RNPEP: variants seen among roughly 807,000 people sequenced by gnomAD.
RNPEP encodes the protein aminopeptidase B.
In RNPEP, 57 loss-of-function variants were observed where a neutral mutation model predicts 70.1. The ratio of observed to expected loss-of-function variants is 0.81; its 90% CI spans 0.66 to 1.01. RNPEP has a LOEUF of 1.01. Among genes scored for constraint, RNPEP ranks in the 50% least tolerant of loss-of-function variants. The pLI is 0.00. For synonymous variants in RNPEP, 335 were observed against 357.4 expected, an observed-to-expected ratio of 0.94 and a Z score of 0.71; for missense variants, 787 against 852.4, an observed-to-expected ratio of 0.92 and a Z score of 0.96.
intron 1 of RNPEP, among the ~76,000 whole-genome samples, chr1:201,988,366 G>A (rs1366682824): frequency 4.1e-5 from 6 of 148,014 alleles, no homozygotes; most frequent in Non-Finnish European, 7.4e-5. Context: ...GCTGAGGCAT[G>A]AGAATTGCTT....
intron 3 of RNPEP, among the ~76,000 whole-genome samples, chr1:201,992,562 G>A (rs745823313): frequency 2.0e-4 from 30 of 151,906 alleles, no homozygotes; most frequent in Non-Finnish European, 3.8e-4. Flanking sequence ...TCCTCCTTGA[G>A]CTCATGGCAG....
chr1:201,989,181 C>A lies in RNPEP; in HGVS notation c.588+137C>A, dbSNP rs10920296. 11,025 of 1,282,116 alleles carry A rather than the reference C, an allele frequency of 8.6e-3. 661 individuals carry two copies. The African/African-American group carries it at 0.14, about 16-fold the overall frequency. 79.4% of individuals were successfully genotyped at this position (1,282,116 alleles called of 1,614,324 possible). A position where few individuals can be genotyped will look rare whatever the true frequency, so the allele number is the denominator to read the frequency against. ...CTGAAAAATTGCTTACTTTTAAATT[C>A]TTCCACCTACTGAAGTTGTATGTAG... is the stretch of plus-strand genomic sequence containing the variant. On this transcript the variant is annotated intron_variant, in intron 2 of 10. Coordinates refer to ENST00000295640, the MANE Select transcript of RNPEP (RefSeq NM_020216.4).
At chr1:201,994,048 T>G (rs1683451084) in intron 3 of RNPEP, among the ~76,000 whole-genome samples, 1 of 152,154 alleles carries the variant, frequency 6.6e-6, no homozygotes, top group Non-Finnish European at 1.5e-5. Context: ...GCCTTCATGT[T>G]CTGCTGTTTT....
Position 202,001,434 on chromosome 1 carries a change from T to C in RNPEP, c.1263T>C (p.Val421=), listed in dbSNP as rs4332408. The change falls in exon 7 of 11, where the codon GTT becomes GTC. Residue 421 remains valine (V), a synonymous_variant. Coordinates refer to ENST00000295640, the MANE Select transcript of RNPEP (RefSeq NM_020216.4). ...CCTACGAGAAAGGTTTCTGCTTTGT[T>C]TCATACCTGGCCCACTTGGTGGGTG... The part of the protein sequence containing the change: ...ETPYEKGFCF[V]SYLAHLVGDQ... The C allele has an allele frequency of 1, 1,608,250 of 1,613,996 alleles. 801,425 individuals carry two copies. The highest frequency in any genetic ancestry group is 1 in the East Asian group (44,872 of 44,872).
chr1:202,004,259 C>T, intron 9 of RNPEP, 95 bp from the exon 10 acceptor site: 1 of 1,375,562 alleles, frequency 7.3e-7, no homozygotes, highest in South Asian at 1.3e-5. Context: ...CATTCCTGAC[C>T]TCAAGTGATC....
chr1:202,001,701 G>A lies in RNPEP; in HGVS notation c.1360G>A (p.Asp454Asn). The A allele has an allele frequency of 1.2e-6, 2 of 1,613,840 alleles. No individual in the cohort carries two copies. The highest frequency in any genetic ancestry group is 1.7e-6 in the Non-Finnish European group (2 of 1,179,756). The change falls in exon 8 of 11, where the codon GAC becomes AAC. Residue 454 changes from aspartate to asparagine, a missense_variant. Transcript: ENST00000295640. ...CAAATTCCGAAGCATCTTAGCCGATGACTTTCTGGACTTCTACTTGGAATA... is the reference window on the plus strand; with the variant it reads ...CAAATTCCGAAGCATCTTAGCCGATAACTTTCTGGACTTCTACTTGGAATA... ...EFKFRSILAD[D>N]FLDFYLEYFP...
chr1:202,001,516 A>G, intron 7 of RNPEP, 28 bp downstream of exon 7: 1 of 1,558,354 alleles, frequency 6.4e-7, no homozygotes, highest in South Asian at 1.1e-5. Flanking sequence ...GAGAAGGAAG[A>G]GGAGCGGATA....
chr1:201,996,297 T>C, intron 4 of RNPEP, 34 bp downstream of exon 4: 4 of 1,396,100 alleles, frequency 2.9e-6, no homozygotes, highest in Non-Finnish European at 4.1e-6. Context: ...TGTCTCCTGT[T>C]AAACTGAGTC....
chr1:201,986,324 G>A (rs899990878), intron 1 of RNPEP, among the ~76,000 whole-genome samples: 2 of 151,766 alleles, frequency 1.3e-5, no homozygotes, highest in Admixed American at 6.6e-5. Flanking sequence ...CAAACTCCTG[G>A]CCTCAAGCGA....
intron 10 of RNPEP, 60 bp from the exon 11 acceptor site, chr1:202,005,498 C>A: frequency 6.3e-7 from 1 of 1,579,904 alleles, no homozygotes; most frequent in South Asian, 1.1e-5. Context: ...CTGGGGGCAG[C>A]AGGGCTGGAC....
intron 9 of RNPEP, 31 bp downstream of exon 9, chr1:202,003,492 G>A: frequency 3.4e-6 from 5 of 1,485,506 alleles, no homozygotes; most frequent in Non-Finnish European, 4.7e-6. Context: ...AGGGCTCCTT[G>A]TGTGCACAGC....
chr1:201,982,988 G>A lies in RNPEP; in HGVS notation c.322G>A (p.Val108Met). 2 of 1,515,404 alleles carry A rather than the reference G, an allele frequency of 1.3e-6. No individual in the cohort carries two copies. The highest frequency in any genetic ancestry group is 2.8e-5 in the East Asian group (1 of 36,156). 93.9% of individuals were successfully genotyped at this position (1,515,404 alleles called of 1,614,324 possible). Residue 108 changes from valine to methionine, a missense_variant, in exon 1 of 11, where the codon GTG (valine) becomes ATG (methionine). Transcript: ENST00000295640. ...CTCGGAGGAGCCGCCTGCGGAGCCC[G>A]TGAGCTTCTACACGCAGCCCTTCTC... ...PGSEEPPAEP[V>M]SFYTQPFSHY...
chr1:202,000,760 G>A (rs1683761297), intron 6 of RNPEP, among the ~76,000 whole-genome samples: 2 of 152,120 alleles, frequency 1.3e-5, no homozygotes, highest in Admixed American at 6.5e-5. Flanking sequence ...TGGGTGTGGT[G>A]ATGCACACCT....
chr1:201,991,722 T>C (rs1683341879), intron 3 of RNPEP, among the ~76,000 whole-genome samples: 1 of 152,180 alleles, frequency 6.6e-6, no homozygotes, highest in Non-Finnish European at 1.5e-5. Context: ...GTAGTGAGAT[T>C]GCAGCTTGAC....
Position 202,001,780 on chromosome 1 carries a change from A to G in RNPEP, c.1426+13A>G, listed in dbSNP as rs1187320992. On this transcript the variant is annotated intron_variant, in intron 8 of 10. Transcript: ENST00000295640. The stretch of plus-strand genomic sequence containing the variant: ...GATATCATTCCAGGTAAGCAGAGGA[A>G]CTGGCCCACAGGCTTCTAAAAAATA... The G allele has an allele frequency of 5.6e-6, 8 of 1,440,104 alleles. No individual in the cohort carries two copies. In the South Asian group the frequency reaches 9.1e-5, roughly 16 times the overall value. The allele number at this position is 1,440,104 out of a possible 1,614,324, so 89.2% of individuals were successfully genotyped here.
chr1:202,006,012 G>T lies in RNPEP; in HGVS notation c.*296G>T. 2.7e-6 allele frequency: 1 copy of T among 370,962 alleles called. No homozygotes were observed. The highest frequency in any genetic ancestry group is 6.7e-5 in the South Asian group (1 of 14,816). The allele number at this position is 370,962 out of a possible 1,614,324, so 23.0% of individuals were successfully genotyped here. ...CCACCTAAGTCTCTGGGAAGAAGTG[G>T]AGAGGACTGATGCTCTTCTTTTTTC... On this transcript the variant is annotated 3_prime_UTR_variant, in exon 11 of 11. Transcript: ENST00000295640.
chr1:202,004,583 TAGGACTC>T (rs1359697696), intron 10 of RNPEP, 87 bp downstream of exon 10: 1 of 1,513,358 alleles, frequency 6.6e-7, no homozygotes, highest in African/African-American at 1.4e-5. Flanking sequence ...AGGGCTCATC[TAGGACTC>T]ATCTGAGGCA....
chr1:202,005,011 A>AGCATTGCTCT (rs1432803917), intron 10 of RNPEP, among the ~76,000 whole-genome samples: 2 of 152,332 alleles, frequency 1.3e-5, no homozygotes, highest in East Asian at 3.9e-4. Flanking sequence ...CCGGAGACGA[A>AGCATTGCTCT]GCATTGCTCT....
intron 9 of RNPEP, 86 bp downstream of exon 9, chr1:202,003,547 T>C: frequency 1.0e-6 from 1 of 970,274 alleles, no homozygotes; most frequent in Middle Eastern, 2.1e-4. Context: ...GTAGTGATGC[T>C]TGCCCCTAGG....
Sources: gnomAD v4.1 joint callset for allele counts (sites outside exome capture counted in the v4.1 genomes callset) on GRCh38, gnomAD v4.1.1 for gene constraint, MANE v1.5 for transcripts, NCBI Gene and HGNC (gene_info 2026-07-23, HGNC 2026-07-21) for gene names.